Variants in CDK13 observed in about 807,000 individuals in gnomAD.
CDK13 encodes the protein cyclin-dependent kinase 13.
CDK13 carries 40 observed loss-of-function variants against 137.6 expected under a neutral mutation model. That is an observed-to-expected ratio of 0.29 (90% confidence interval 0.23 to 0.38). CDK13 has a LOEUF of 0.38. CDK13 is among the 10% of genes least tolerant of loss of function. The probability of loss-of-function intolerance (pLI) is 1.00; values close to 1 mark genes in which losing one functional copy is unlikely to be tolerated. For synonymous variants in CDK13, 869 were observed against 760.1 expected (o/e 1.14, Z -2.36); for missense variants, 1,704 against 1,951.8 (o/e 0.87, Z 2.39).
chr7:39,972,774 A>G (rs1263473984), intron 1 of CDK13, among the ~76,000 whole-genome samples: 6 of 152,090 alleles, frequency 3.9e-5, no homozygotes, highest in African/African-American at 1.2e-4. Context: ...TTTGTGTACA[A>G]GTTTTTGCAT....
At chr7:40,018,519 A>G (rs1785049488) in intron 5 of CDK13, among the ~76,000 whole-genome samples, 1 of 152,154 alleles carries the variant, frequency 6.6e-6, no homozygotes, top group Admixed American at 6.6e-5. Context: ...AGTGCCCATC[A>G]GCTGAGGAGT....
chr7:40,065,985 G>C (rs902147306), intron 9 of CDK13, among the ~76,000 whole-genome samples: 2 of 152,136 alleles, frequency 1.3e-5, no homozygotes, highest in African/African-American at 2.4e-5. Flanking sequence ...AGGAGTTTTA[G>C]ACCAGCCTGA....
chr7:40,053,596 T>C (rs188042807), intron 7 of CDK13, among the ~76,000 whole-genome samples: 2 of 152,330 alleles, frequency 1.3e-5, no homozygotes, highest in African/African-American at 2.4e-5. Context: ...GACAAATTTT[T>C]TTTTTCTTTC....
At chr7:40,033,254 C>A (rs145725703) in intron 5 of CDK13, among the ~76,000 whole-genome samples, 4 of 150,624 alleles carry the variant, frequency 2.7e-5, no homozygotes, top group African/African-American at 9.9e-5. Context: ...CCATGCCTGG[C>A]CTGAACATTG....
At chr7:39,966,263 T>C (rs1783867998) in intron 1 of CDK13, among the ~76,000 whole-genome samples, 1 of 152,310 alleles carries the variant, frequency 6.6e-6, no homozygotes, top group East Asian at 1.9e-4. Context: ...ACCAATCAGA[T>C]GTAGATTTGG....
rs894883794 is a variant in CDK13 at position 40,002,144 on chromosome 7, T to A, written c.2353+113T>A. ...GAGTAATTACAAACTATTGCTCTAA[T>A]CGTGAAACTATATTTTTAAGTTTGG... On this transcript the variant is annotated intron_variant, in intron 5 of 13. Transcript: ENST00000181839. 4.7e-6 allele frequency: 3 copies of A among 636,166 alleles called. No homozygotes were observed. The East Asian group carries it at 8.4e-5, about 18-fold the overall frequency. The allele number at this position is 636,166 out of a possible 1,614,324, so 39.4% of individuals were successfully genotyped here.
chr7:40,064,289 A>G (rs1365869074), intron 9 of CDK13, among the ~76,000 whole-genome samples: 2 of 151,632 alleles, frequency 1.3e-5, no homozygotes, highest in Non-Finnish European at 2.9e-5. Flanking sequence ...TGTCTCAAAA[A>G]AAAAAAAAAA....
chr7:40,040,317 T>TA (rs1785578487), intron 5 of CDK13, among the ~76,000 whole-genome samples: 1 of 152,252 alleles, frequency 6.6e-6, no homozygotes, highest in African/African-American at 2.4e-5. Flanking sequence ...ACTGAATTGA[T>TA]ATGCCATCTT....
intron 5 of CDK13, among the ~76,000 whole-genome samples, chr7:40,023,162 G>A (rs527642675): frequency 1.3e-5 from 2 of 149,362 alleles, no homozygotes; most frequent in East Asian, 2.0e-4. Flanking sequence ...ACGCTATCTC[G>A]GCTTACCACA....
chr7:40,011,950 G>A (rs368893729), intron 5 of CDK13, among the ~76,000 whole-genome samples: 247 of 152,132 alleles, frequency 1.6e-3, no homozygotes, highest in African/African-American at 5.7e-3. Flanking sequence ...AAAAGACAAC[G>A]TGATTAAAAA....
At chr7:39,988,558 A>C (rs992313781) in intron 2 of CDK13, among the ~76,000 whole-genome samples, 3 of 152,130 alleles carry the variant, frequency 2.0e-5, no homozygotes, top group Non-Finnish European at 4.4e-5. Flanking sequence ...GTTTTCCTTG[A>C]TGATGTAATC....
rs1042764651 is a variant in CDK13 at position 40,096,496 on chromosome 7, A to G, written c.*1516A>G. On this transcript the variant is annotated 3_prime_UTR_variant, in exon 14 of 14. Transcript: ENST00000181839. ...CCAAAGGTAAATAACCAGTGTTTCC[A>G]TTATCACTAAATGGAAAAATTGACT... 1.3e-5 allele frequency: 2 copies of G among 152,212 alleles called. No homozygotes were observed. The highest frequency in any genetic ancestry group is 2.9e-5 in the Non-Finnish European group (2 of 68,028). The allele number at this position is 152,212 out of a possible 1,614,324, so 9.4% of individuals were successfully genotyped here.
At chr7:40,000,158 C>T (rs1490182792) in intron 4 of CDK13, among the ~76,000 whole-genome samples, 4 of 152,076 alleles carry the variant, frequency 2.6e-5, no homozygotes. Context: ...GGCAGATCAC[C>T]TAAGGCCAGG....
chr7:39,964,715 T>TGA (rs1271351286), intron 1 of CDK13, among the ~76,000 whole-genome samples: 2 of 152,132 alleles, frequency 1.3e-5, no homozygotes, highest in Non-Finnish European at 1.5e-5. Context: ...GTTGTAATGT[T>TGA]AGGGTGTCAA....
At chr7:40,029,218 G>T (rs1400168377) in intron 5 of CDK13, among the ~76,000 whole-genome samples, 1 of 151,558 alleles carries the variant, frequency 6.6e-6, no homozygotes, top group Non-Finnish European at 1.5e-5. Context: ...CTTGAGGTCA[G>T]GAGTTCAAGA....
intron 5 of CDK13, among the ~76,000 whole-genome samples, chr7:40,018,265 G>A (rs1327491762): frequency 6.6e-6 from 1 of 151,906 alleles, no homozygotes; most frequent in East Asian, 1.9e-4. Context: ...TTGTTAGAGA[G>A]TAATTAGGGA....
intron 1 of CDK13, among the ~76,000 whole-genome samples, chr7:39,981,145 TC>T (rs751503501): frequency 2.2e-4 from 34 of 152,184 alleles, no homozygotes; most frequent in Admixed American, 4.6e-4. Flanking sequence ...AGTGGACAGA[TC>T]ACTTGAGTCC....
At chr7:39,984,303 C>G (rs926666582) in intron 1 of CDK13, 1 of 151,712 alleles carries the variant, frequency 6.6e-6, no homozygotes, top group East Asian at 1.9e-4. Context: ...CCCAGCTACT[C>G]AGGAAGCTGA....
chr7:40,089,737 T>A (rs931410755), intron 12 of CDK13, among the ~76,000 whole-genome samples: 3 of 128,680 alleles, frequency 2.3e-5, no homozygotes, highest in East Asian at 4.0e-4. Context: ...TGTGTGTGTG[T>A]GTGTGTGTGT....
Sources: allele counts gnomAD v4.1 joint callset (sites outside exome capture counted in the v4.1 genomes callset), GRCh38; gene constraint gnomAD v4.1.1; transcripts MANE v1.5; gene names NCBI Gene and HGNC (gene_info 2026-07-23, HGNC 2026-07-21).